Variants in CTNND2 observed in about 807,000 individuals in gnomAD.
The protein encoded by CTNND2 is catenin delta 2.
Under a neutral mutation model 144.4 loss-of-function variants are expected in CTNND2, and 22 were observed. That is an observed-to-expected ratio of 0.15 (90% confidence interval 0.11 to 0.22). The LOEUF (loss-of-function observed/expected upper bound fraction) is 0.22. CTNND2 is among the 10% of genes least tolerant of loss of function. The pLI is 1.00. For missense variants in CTNND2, 1,353 were observed against 1,618.8 expected (o/e 0.84, Z 2.82); for synonymous variants, 751 against 695.6 (o/e 1.08, Z -1.25).
At chr5:11,230,164 C>T (rs868072711) in intron 10 of CTNND2, among the ~76,000 whole-genome samples, 4 of 129,052 alleles carry the variant, frequency 3.1e-5, no homozygotes, top group South Asian at 2.5e-4. Context: ...GGGAATTGAA[C>T]AATGAGATCA....
chr5:11,598,307 T>A (rs1779619294), intron 2 of CTNND2, among the ~76,000 whole-genome samples: 1 of 152,012 alleles, frequency 6.6e-6, no homozygotes, highest in African/African-American at 2.4e-5. Flanking sequence ...AGATTCTCCA[T>A]CCCTCTACAC....
intron 9 of CTNND2, among the ~76,000 whole-genome samples, chr5:11,267,477 T>C (rs193202069): frequency 6.6e-6 from 1 of 152,326 alleles, no homozygotes; most frequent in East Asian, 1.9e-4. Flanking sequence ...AGTCATTAAC[T>C]GGGACACAGA....
At chr5:11,395,667 T>C (rs61749799) in intron 6 of CTNND2, among the ~76,000 whole-genome samples, 83 of 152,354 alleles carry the variant, frequency 5.4e-4, no homozygotes, top group African/African-American at 1.9e-3. Context: ...CTCTTACCCA[T>C]ATTCCTATCA....
At chr5:11,419,026 CTA>C (rs1265992031) in intron 3 of CTNND2, among the ~76,000 whole-genome samples, 8 of 125,128 alleles carry the variant, frequency 6.4e-5, no homozygotes, top group Non-Finnish European at 1.2e-4. Context: ...AGATGTCTAT[CTA>C]TATATAGATA....
chr5:11,500,521 T>C (rs1025951557), intron 3 of CTNND2, among the ~76,000 whole-genome samples: 1 of 152,182 alleles, frequency 6.6e-6, no homozygotes, highest in Non-Finnish European at 1.5e-5. Flanking sequence ...TTATCTGATA[T>C]CCAAAGACTG....
At chr5:11,622,120 A>G (rs1025154608) in intron 2 of CTNND2, among the ~76,000 whole-genome samples, 2 of 152,108 alleles carry the variant, frequency 1.3e-5, no homozygotes, top group African/African-American at 4.8e-5. Context: ...GAAGAACATC[A>G]CCCCATGCCT....
chr5:11,033,277 C>G (rs1034875644), intron 16 of CTNND2, among the ~76,000 whole-genome samples: 1 of 152,176 alleles, frequency 6.6e-6, no homozygotes. Flanking sequence ...AGAAGACATC[C>G]AGTCAGAAGT....
intron 12 of CTNND2, among the ~76,000 whole-genome samples, chr5:11,146,686 C>A (rs1757273784): frequency 6.6e-6 from 1 of 152,104 alleles, no homozygotes; most frequent in African/African-American, 2.4e-5. Context: ...TTGAGGAATT[C>A]AGAATCATAA....
intron 11 of CTNND2, among the ~76,000 whole-genome samples, chr5:11,191,325 C>A (rs1272944394): frequency 6.6e-6 from 1 of 152,152 alleles, no homozygotes; most frequent in Admixed American, 6.5e-5. Flanking sequence ...TGCTAACAAA[C>A]CACAGGACAG....
At chr5:11,626,252 G>A (rs764416596) in intron 2 of CTNND2, among the ~76,000 whole-genome samples, 3 of 152,118 alleles carry the variant, frequency 2.0e-5, no homozygotes, top group African/African-American at 4.8e-5. Context: ...TTAATGCTCA[G>A]GAGTTTTGCC....
intron 12 of CTNND2, among the ~76,000 whole-genome samples, chr5:11,128,731 A>AATATATATATT (rs1554049676): frequency 5.4e-5 from 3 of 55,222 alleles, no homozygotes; most frequent in Non-Finnish European, 8.6e-5. Flanking sequence ...CATATATATA[A>AATATATATATT]TATATATATT....
At chr5:11,265,698 A>ATTTTTTTT (rs5865929) in intron 9 of CTNND2, among the ~76,000 whole-genome samples, 44 of 77,418 alleles carry the variant, frequency 5.7e-4, no homozygotes, top group Non-Finnish European at 8.4e-4. Flanking sequence ...TGTATTCTCT[A>ATTTTTTTT]TTTTTTTTTT....
chr5:11,600,446 C>T (rs547752090), intron 2 of CTNND2, among the ~76,000 whole-genome samples: 1 of 152,210 alleles, frequency 6.6e-6, no homozygotes, highest in African/African-American at 2.4e-5. Context: ...TGGCTCACGC[C>T]TGTAATCCCA....
chr5:11,668,025 C>T (rs1431664992), intron 2 of CTNND2, among the ~76,000 whole-genome samples: 1 of 152,184 alleles, frequency 6.6e-6, no homozygotes. Context: ...ATAGGGAATC[C>T]TTTCCCCATT....
chr5:11,743,337 C>T (rs893697891), intron 1 of CTNND2, among the ~76,000 whole-genome samples: 1 of 152,094 alleles, frequency 6.6e-6, no homozygotes, highest in African/African-American at 2.4e-5. Context: ...TATTTCAACT[C>T]AAGATAGCTG....
chr5:11,714,013 A>G (rs1786197444), intron 2 of CTNND2, among the ~76,000 whole-genome samples: 1 of 152,188 alleles, frequency 6.6e-6, no homozygotes, highest in Non-Finnish European at 1.5e-5. Flanking sequence ...CAAGTTCAAT[A>G]TTAGTTTAAC....
intron 2 of CTNND2, among the ~76,000 whole-genome samples, chr5:11,655,616 A>G (rs538372872): frequency 1.3e-3 from 200 of 152,278 alleles, no homozygotes; most frequent in African/African-American, 4.4e-3. Context: ...AAGTCCATAC[A>G]TTGTTCAGCT....
At chr5:11,504,750 A>C (rs560182535) in intron 3 of CTNND2, among the ~76,000 whole-genome samples, 2 of 152,184 alleles carry the variant, frequency 1.3e-5, no homozygotes, top group South Asian at 4.1e-4. Flanking sequence ...CACAGGGACC[A>C]TCTGACAGCC....
intron 7 of CTNND2, among the ~76,000 whole-genome samples, chr5:11,375,364 TTACA>T (rs1757836085): frequency 6.6e-6 from 1 of 152,222 alleles, no homozygotes; most frequent in Non-Finnish European, 1.5e-5. Flanking sequence ...TACTTATATT[TTACA>T]ACTTCTCTAT....
Sources: gnomAD v4.1 joint callset for allele counts (sites outside exome capture counted in the v4.1 genomes callset) on GRCh38, gnomAD v4.1.1 for gene constraint, MANE v1.5 for transcripts, NCBI Gene and HGNC (gene_info 2026-07-23, HGNC 2026-07-21) for gene names.